Variants in COL6A6 observed in about 807,000 individuals in gnomAD.
The protein encoded by COL6A6 is collagen type VI alpha 6 chain.
COL6A6 carries 183 observed loss-of-function variants against 208.6 expected under a neutral mutation model. The ratio of observed to expected loss-of-function variants is 0.88; its 90% CI spans 0.78 to 0.99. The LOEUF is 0.99. Among genes scored for constraint, COL6A6 ranks in the 50% least tolerant of loss-of-function variants. COL6A6 has a pLI of 0.00. For synonymous variants in COL6A6, 973 were observed against 1,011.8 expected (o/e 0.96, Z 0.73); for missense variants, 2,816 against 2,815.2 (o/e 1.00, Z -0.01).
At chr3:130,560,298 A>G in intron 1 of COL6A6, 36 bp from the exon 2 acceptor site, 2 of 1,324,222 alleles carry the variant, frequency 1.5e-6, no homozygotes, top group Non-Finnish European at 2.1e-6. Flanking sequence ...CCCAAATAAT[A>G]TCCACAACAA....
rs2065422738 is a variant in COL6A6, at chr3:130,644,862, A to C, written c.5228-129A>C. On this transcript the variant is annotated intron_variant, in intron 31 of 36. Transcript: ENST00000358511. ...TTAGACTCTGTCTGCATTTTCTCCA[A>C]ACTCTGTTGCCTTGATTTTTGAGTC... 3.7e-6 allele frequency: 3 copies of C among 815,386 alleles called. No homozygotes were observed. The South Asian group carries it at 4.4e-5, about 12-fold the overall frequency. The allele number at this position is 815,386 out of a possible 1,614,324, so 50.5% of individuals were successfully genotyped here.
At chr3:130,598,970 GT>G (rs2063926575) in intron 19 of COL6A6, among the ~76,000 whole-genome samples, 1 of 152,162 alleles carries the variant, frequency 6.6e-6, no homozygotes, top group Non-Finnish European at 1.5e-5. Flanking sequence ...CTTGGATAAT[GT>G]TCCCTTGATG....
In COL6A6 at chr3:130,649,432, C is replaced by A; in HGVS notation, c.5603C>A (p.Thr1868Lys). The A allele has an allele frequency of 6.2e-7, 1 of 1,613,174 alleles. No homozygotes were observed. The highest frequency in any genetic ancestry group is 1.1e-5 in the South Asian group (1 of 90,812). ...LPGAHTRKIA[T>K]FFSSGQSADA... ...GGGGCACACACGAGAAAAATCGCCA[C>A]ATTTTTCAGCAGCGGTCAGTCCGCG... The change falls in exon 33 of 37, where the codon ACA becomes AAA. Residue 1868 changes from threonine to lysine, a missense_variant. Transcript: ENST00000358511.
chr3:130,656,410 C>T (rs1453333601), intron 33 of COL6A6, among the ~76,000 whole-genome samples: 3 of 150,364 alleles, frequency 2.0e-5, no homozygotes, highest in African/African-American at 7.3e-5. Context: ...GTGTCTGGCT[C>T]TCAGCAGAGA....
At chr3:130,607,320 A>G (rs6792876) in intron 21 of COL6A6, among the ~76,000 whole-genome samples, 5,220 of 152,300 alleles carry the variant, frequency 0.034, 335 homozygotes, top group African/African-American at 0.12. Flanking sequence ...CATATAAGCC[A>G]AAAGAATACA....
At chr3:130,552,826 CT>C in intron 1 of COL6A6, among the ~76,000 whole-genome samples, 1 of 4,330 alleles carries the variant, frequency 2.3e-4, no homozygotes, top group South Asian at 2.6e-3. Flanking sequence ...TAAGGACCGT[CT>C]CTCTTAAGGC....
intron 7 of COL6A6, 44 bp from the exon 8 acceptor site, chr3:130,573,912 G>C (rs1156278444): frequency 2.2e-6 from 3 of 1,378,968 alleles, no homozygotes; most frequent in Non-Finnish European, 1.0e-6. Flanking sequence ...ATTAAGGAAA[G>C]AATAACAATC....
chr3:130,599,733 C>T (rs764489576), intron 19 of COL6A6, 24 bp from the exon 20 acceptor site: 1 of 1,613,070 alleles, frequency 6.2e-7, no homozygotes, highest in East Asian at 2.2e-5. Flanking sequence ...ATTACCGTCA[C>T]ACATCTGTCT....
chr3:130,559,876 A>C (rs529513054), intron 1 of COL6A6, among the ~76,000 whole-genome samples: 12 of 152,324 alleles, frequency 7.9e-5, no homozygotes, highest in Middle Eastern at 3.4e-3. Flanking sequence ...AAAAACGTGT[A>C]ATTTTGATCA....
Position 130,566,991 on chromosome 3 carries a change from T to A in COL6A6, c.1572T>A (p.Ser524Arg). ...NTGAALNFTLSLLQKAKKQRG... is the reference protein window; with the variant it reads ...NTGAALNFTLRLLQKAKKQRG... ...GCGCAGCACTGAATTTCACACTGAG[T>A]CTGTTGCAAAAAGCAAAGAAGCAGC... is the stretch of plus-strand genomic sequence containing the variant. Residue 524 changes from serine (S) to arginine (R), a missense_variant, in exon 5 of 37, where the codon AGT (serine) becomes AGA (arginine). By Grantham distance (110) the Ser-to-Arg change is moderately radical. Transcript: ENST00000358511. 1.9e-6 allele frequency: 3 copies of A among 1,613,996 alleles called. No homozygotes were observed. Among genetic ancestry groups the A allele is most frequent in the Non-Finnish European group, 2.5e-6 (3 of 1,179,882 alleles).
chr3:130,622,036 A>G (rs1402198477), intron 24 of COL6A6, among the ~76,000 whole-genome samples, 153 bp downstream of exon 24: 1 of 152,104 alleles, frequency 6.6e-6, no homozygotes, highest in African/African-American at 2.4e-5. Context: ...AACAACCTCT[A>G]AGGACATGGG....
At chr3:130,607,730 A>G (rs2064227436) in intron 21 of COL6A6, among the ~76,000 whole-genome samples, 2 of 152,240 alleles carry the variant, frequency 1.3e-5, no homozygotes, top group South Asian at 4.1e-4. Flanking sequence ...AATAATCGTT[A>G]ACTTAGAATT....
chr3:130,588,800 T>G (rs1473487005), intron 11 of COL6A6, among the ~76,000 whole-genome samples: 2 of 151,624 alleles, frequency 1.3e-5, no homozygotes, highest in Non-Finnish European at 2.9e-5. Context: ...TCAGTTGGCA[T>G]GCAGTCAGTT....
chr3:130,550,592 G>A (rs1443165854), intron 1 of COL6A6, among the ~76,000 whole-genome samples: 2 of 152,172 alleles, frequency 1.3e-5, no homozygotes, highest in Non-Finnish European at 2.9e-5. Flanking sequence ...CTTCTTGCAT[G>A]GCAGCAGCAA....
At chr3:130,602,400 AGAT>A (rs2064051037) in intron 20 of COL6A6, among the ~76,000 whole-genome samples, 1 of 152,234 alleles carries the variant, frequency 6.6e-6, no homozygotes. Context: ...TTTATTAATT[AGAT>A]GATTAATCAG....
intron 23 of COL6A6, among the ~76,000 whole-genome samples, chr3:130,619,218 G>T (rs558829257): frequency 6.6e-6 from 1 of 152,102 alleles, no homozygotes; most frequent in African/African-American, 2.4e-5. Flanking sequence ...TACTTACAGC[G>T]TAGAGGAATC....
At chr3:130,550,770 A>G (rs1215220888) in intron 1 of COL6A6, among the ~76,000 whole-genome samples, 1 of 152,188 alleles carries the variant, frequency 6.6e-6, no homozygotes, top group East Asian at 1.9e-4. Context: ...ATAAAATTCA[A>G]GTTGAGATTT....
intron 18 of COL6A6, among the ~76,000 whole-genome samples, chr3:130,594,864 C>T (rs1284062055): frequency 6.6e-6 from 1 of 152,138 alleles, no homozygotes; most frequent in African/African-American, 2.4e-5. Flanking sequence ...AGAGCTTGTG[C>T]AGGGGAACTT....
chr3:130,563,338 A>C lies in COL6A6; in HGVS notation c.335A>C (p.Gln112Pro). ...GGSLQIGKALQEAHRTYFSAP... is the reference protein window; with the variant it reads ...GGSLQIGKALPEAHRTYFSAP... ...TCCCTGCAGATAGGAAAGGCTCTTC[A>C]GGAGGCTCACAGGACTTATTTCTCT... Residue 112 changes from glutamine to proline, a missense_variant, in exon 3 of 37, where the codon CAG (glutamine) becomes CCG (proline). Transcript: ENST00000358511. 1 of 1,614,000 alleles carries C rather than the reference A, an allele frequency of 6.2e-7. No homozygotes were observed. The highest frequency in any genetic ancestry group is 8.5e-7 in the Non-Finnish European group (1 of 1,179,882).
Sources: gnomAD v4.1 joint callset for allele counts (sites outside exome capture counted in the v4.1 genomes callset) on GRCh38, gnomAD v4.1.1 for gene constraint, MANE v1.5 for transcripts, NCBI Gene and HGNC (gene_info 2026-07-23, HGNC 2026-07-21) for gene names.